Variants in EVC observed in about 807,000 individuals in gnomAD.
The protein encoded by EVC is EvC ciliary complex subunit 1, also known as evC complex member EVC.
Under a neutral mutation model 118.9 loss-of-function variants are expected in EVC, and 116 were observed. The observed-to-expected ratio is 0.98, with a 90% CI of 0.84 to 1.14. The LOEUF (loss-of-function observed/expected upper bound fraction) is 1.14, where lower values mean the gene tolerates loss of function less well. Among genes scored for constraint, EVC ranks in the 50% most tolerant of loss-of-function variants. The pLI is 0.00. For missense variants in EVC, 1,401 were observed against 1,246.4 expected (o/e 1.12, Z -1.87); for synonymous variants, 619 against 534.7 (o/e 1.16, Z -2.18).
In EVC at chr4:5,769,141, C is replaced by G. The variant is rs142327382; in HGVS notation, c.1563+12779C>G. On this transcript the variant is annotated intron_variant, in intron 11 of 20. Coordinates refer to ENST00000264956, the MANE Select transcript of EVC (RefSeq NM_153717.3). ...TTATAAAGGAAACAGGTTTAACAGA[C>G]TCACAGTTCCACGTGGCTGGGGAGG... Among the ~76,000 whole-genome samples, 665 of 152,222 alleles carry G rather than the reference C, an allele frequency of 4.4e-3. 9 individuals are homozygous for G. Among genetic ancestry groups the G allele is most frequent in the African/African-American group, 0.015 (619 of 41,492 alleles).
At position 5,737,644 on chromosome 4, in the gene EVC, T is replaced by C. The variant is rs1727905948; in HGVS notation, c.703-4072T>C. On this transcript the variant is annotated intron_variant, in intron 5 of 20. Transcript: ENST00000264956. This position sits in a 1 kb window ranked among gnomAD's most constrained non-coding sequence, Gnocchi z 5.0. ...TGCTAAATCTACTCTGCCTGTGCTC[T>C]ATAAGTGGAACAACAAAGCCTGGAT... is the stretch of plus-strand genomic sequence containing the variant. Among the ~76,000 whole-genome samples the C allele has an allele frequency of 6.6e-6, 1 of 152,244 alleles. No individual in the cohort carries two copies. The highest frequency in any genetic ancestry group is 1.5e-5 in the Non-Finnish European group (1 of 68,030).
chr4:5,759,993 C>CG (rs1731762119), intron 11 of EVC, among the ~76,000 whole-genome samples: 1 of 151,946 alleles, frequency 6.6e-6, no homozygotes, highest in South Asian at 2.1e-4. Context: ...AGACTCCAAG[C>CG]GGGAAGTGGG....
intron 15 of EVC, chr4:5,801,692 AG>A: frequency 2.1e-5 from 8 of 385,800 alleles, no homozygotes; most frequent in East Asian, 1.1e-4. Context: ...AAAAAAAAAA[AG>A]ATGCGGGGAA....
At chr4:5,766,239 T>A (rs1732841794) in intron 11 of EVC, among the ~76,000 whole-genome samples, 1 of 151,868 alleles carries the variant, frequency 6.6e-6, no homozygotes, top group Admixed American at 6.5e-5. Context: ...GCCCCCACTC[T>A]CTTCTGGCTT....
chr4:5,809,725 T>C, intron 19 of EVC, 114 bp downstream of exon 19: 1 of 965,472 alleles, frequency 1.0e-6, no homozygotes, highest in South Asian at 1.4e-5. Flanking sequence ...GTGCCTAGGC[T>C]CTCTGGGCTT....
rs1215091473 is a variant in EVC at position 5,733,374 on chromosome 4, A to G, written c.641A>G (p.Tyr214Cys). Residue 214 changes from tyrosine (Y) to cysteine (C), a missense_variant, in exon 5 of 21, where the codon TAC becomes TGC. Coordinates refer to ENST00000264956, the MANE Select transcript of EVC (RefSeq NM_153717.3). ...CESVDVDLCI[Y>C]SLHLKDLLHL... ...AGTGTAGACGTTGACCTGTGTATCT[A>G]CAGCCTTCACTTAAAAGACCTGCTG... 3.7e-6 allele frequency: 6 copies of G among 1,613,902 alleles called. No homozygotes were observed. Among genetic ancestry groups the G allele is most frequent in the Non-Finnish European group, 5.1e-6 (6 of 1,179,956 alleles).
At chr4:5,753,298 G>A (rs1225091780) in intron 9 of EVC, among the ~76,000 whole-genome samples, 1 of 152,238 alleles carries the variant, frequency 6.6e-6, no homozygotes, top group African/African-American at 2.4e-5. Flanking sequence ...TCACTCACCA[G>A]GGATTCCGGC....
intron 11 of EVC, among the ~76,000 whole-genome samples, chr4:5,773,002 G>A (rs1386396745): frequency 6.6e-6 from 1 of 152,122 alleles, no homozygotes; most frequent in South Asian, 2.1e-4. Context: ...GCCACAGCCT[G>A]GGGGGAGCAT....
chr4:5,752,238 G>A (rs1730487857), intron 8 of EVC, among the ~76,000 whole-genome samples: 2 of 152,166 alleles, frequency 1.3e-5, no homozygotes, highest in African/African-American at 4.8e-5. Context: ...TCTCAGGTGT[G>A]CAGGGCCCTT....
rs931047294 is a variant in EVC, at chr4:5,711,243, G to C, written c.-138G>C. On this transcript the variant is annotated 5_prime_UTR_variant, in exon 1 of 21. Coordinates refer to ENST00000264956, the MANE Select transcript of EVC (RefSeq NM_153717.3). The stretch of plus-strand genomic sequence containing the variant: ...GGAAGGGGAGAGAAGCAGGAGTCGG[G>C]AGACTGCACAGGCCAGAAAGTCTGC... 1 of 454,670 alleles carries C rather than the reference G, an allele frequency of 2.2e-6. No homozygotes were observed. The allele number at this position is 454,670 out of a possible 1,614,324, so 28.2% of individuals were successfully genotyped here. A position where few individuals can be genotyped will look rare whatever the true frequency, so the allele number is the denominator to read the frequency against.
intron 5 of EVC, among the ~76,000 whole-genome samples, chr4:5,740,458 G>A (rs1487110369): frequency 2.3e-5 from 3 of 132,148 alleles, no homozygotes; most frequent in African/African-American, 3.0e-5. Context: ...ACGACAGACT[G>A]ATACTCCATC....
chr4:5,815,851 T>C (rs1253463211), downstream of EVC, among the ~76,000 whole-genome samples: 1 of 152,168 alleles, frequency 6.6e-6, no homozygotes, highest in African/African-American at 2.4e-5. Context: ...CAGGCATTCA[T>C]GGTCACCTGG....
At chr4:5,726,583 T>TTTTTA (rs397992166) in intron 2 of EVC, among the ~76,000 whole-genome samples, 2,043 of 148,260 alleles carry the variant, frequency 0.014, 50 homozygotes, top group African/African-American at 0.048. Flanking sequence ...TTTTTTTTTT[T>TTTTTA]ATTATACTTT....
chr4:5,736,705 G>C (rs1320070234), intron 5 of EVC, among the ~76,000 whole-genome samples: 3 of 152,146 alleles, frequency 2.0e-5, no homozygotes, highest in African/African-American at 7.2e-5. Flanking sequence ...CGTTATGATT[G>C]TAATTGTTTG....
At chr4:5,747,943 G>A in intron 7 of EVC, 1 of 612,024 alleles carries the variant, frequency 1.6e-6, no homozygotes, top group Non-Finnish European at 2.9e-6. Flanking sequence ...TTGCAAAACT[G>A]ACTGACACTG....
chr4:5,784,224 G>A (rs545999927), intron 12 of EVC, among the ~76,000 whole-genome samples: 2 of 152,272 alleles, frequency 1.3e-5, no homozygotes, highest in African/African-American at 2.4e-5. Flanking sequence ...AGGCAGGTGC[G>A]GTTGAGTGAA....
Position 5,763,727 on chromosome 4 carries a change from C to A in EVC, c.1563+7365C>A, listed in dbSNP as rs1300511264. 8.3e-4 allele frequency among the ~76,000 whole-genome samples: 96 copies of A among 115,440 alleles called. 1 individual carries two copies. The highest frequency in any genetic ancestry group is 3.2e-3 in the African/African-American group (93 of 28,758). 75.7% of individuals were successfully genotyped at this position (115,440 alleles called of 152,430 possible). On this transcript the variant is annotated intron_variant, in intron 11 of 20. Coordinates refer to ENST00000264956, the MANE Select transcript of EVC (RefSeq NM_153717.3). ...TGTCTGTTGTTGGTGTATAAGAATG[C>A]TTGTGATTTTTGTACATTGATTTTG...
intron 1 of EVC, 32 bp downstream of exon 1, chr4:5,711,586 G>T: frequency 1.7e-6 from 2 of 1,169,696 alleles, no homozygotes; most frequent in South Asian, 4.3e-5. Flanking sequence ...CGGCGGGGCG[G>T]GGAGCGCGGG....
chr4:5,827,733 G>GCACACACA, the EVC span, among the ~76,000 whole-genome samples: 2,418 of 138,318 alleles, frequency 0.017, 32 homozygotes, highest in South Asian at 0.045. Flanking sequence ...ATGTGCGCGT[G>GCACACACA]CACACACACA....
Sources: gnomAD v4.1 joint callset for allele counts (sites outside exome capture counted in the v4.1 genomes callset) on GRCh38, gnomAD v4.1.1 for gene constraint, Gnocchi (gnomAD v3.1) non-coding constraint, MANE v1.5 for transcripts, NCBI Gene and HGNC (gene_info 2026-07-23, HGNC 2026-07-21) for gene names.